Variants in ZNF385D observed in about 807,000 individuals in gnomAD.
ZNF385D encodes zinc finger protein 385D.
ZNF385D carries 15 observed loss-of-function variants against 35.8 expected under a neutral mutation model. That is an observed-to-expected ratio of 0.42 (90% CI 0.28 to 0.64). The LOEUF (loss-of-function observed/expected upper bound fraction) is 0.64, where lower values mean the gene tolerates loss of function less well. Among genes scored for constraint, ZNF385D ranks in the 30% least tolerant of loss-of-function variants. ZNF385D has a pLI of 0.23. For synonymous variants in ZNF385D, 212 were observed against 186.8 expected, an observed-to-expected ratio of 1.13 and a Z score of -1.10; for missense variants, 474 against 494.6, an observed-to-expected ratio of 0.96 and a Z score of 0.39.
At chr3:21,900,762 T>C (rs571115226) in intron 3 of ZNF385D, among the ~76,000 whole-genome samples, 1 of 152,294 alleles carries the variant, frequency 6.6e-6, no homozygotes, top group East Asian at 1.9e-4. Context: ...AATAATTCAT[T>C]GTGATTTGTT....
intron 2 of ZNF385D, among the ~76,000 whole-genome samples, chr3:22,182,030 G>A (rs773012538): frequency 4.6e-5 from 7 of 152,094 alleles, no homozygotes; most frequent in Middle Eastern, 6.8e-3. Flanking sequence ...CCAGTTGAAC[G>A]ATAGATGAAA....
chr3:21,648,152 G>A (rs1412040163), intron 2 of ZNF385D, among the ~76,000 whole-genome samples: 1 of 152,168 alleles, frequency 6.6e-6, no homozygotes, highest in Non-Finnish European at 1.5e-5. Context: ...TGTCAAGGGA[G>A]AGACCCAGTG....
chr3:22,174,049 CACAG>C (rs748654284), intron 2 of ZNF385D, among the ~76,000 whole-genome samples: 152 of 151,196 alleles, frequency 1.0e-3, no homozygotes, highest in African/African-American at 3.5e-3. Flanking sequence ...CACACACACA[CACAG>C]AGATATCCAA....
intron 3 of ZNF385D, among the ~76,000 whole-genome samples, chr3:22,100,772 A>G (rs553185374): frequency 2.6e-5 from 4 of 152,022 alleles, no homozygotes; most frequent in African/African-American, 9.6e-5. Context: ...AGCATGGCAC[A>G]TGTATACATA....
intron 7 of ZNF385D, among the ~76,000 whole-genome samples, chr3:21,421,693 C>G (rs938289374): frequency 6.6e-6 from 1 of 152,106 alleles, no homozygotes; most frequent in Non-Finnish European, 1.5e-5. Flanking sequence ...ACTCAGCAAC[C>G]TTATTTTATT....
intron 3 of ZNF385D, among the ~76,000 whole-genome samples, chr3:21,872,830 A>G (rs560502681): frequency 7.9e-5 from 12 of 152,270 alleles, no homozygotes; most frequent in African/African-American, 2.4e-4. Context: ...GTAATTGTAT[A>G]CATACAATTT....
chr3:21,457,858 A>T (rs988583668), intron 4 of ZNF385D, among the ~76,000 whole-genome samples: 1 of 152,208 alleles, frequency 6.6e-6, no homozygotes, highest in Admixed American at 6.5e-5. Flanking sequence ...CCAAAGGCCA[A>T]CAGCTAAATT....
chr3:21,821,081 C>G (rs1479017293), intron 3 of ZNF385D, among the ~76,000 whole-genome samples: 1 of 151,838 alleles, frequency 6.6e-6, no homozygotes, highest in Non-Finnish European at 1.5e-5. Context: ...GGGTGTTTTA[C>G]CAAACTTCAA....
At chr3:22,267,317 C>T (rs927596136) in intron 2 of ZNF385D, among the ~76,000 whole-genome samples, 4 of 151,632 alleles carry the variant, frequency 2.6e-5, no homozygotes, top group African/African-American at 9.7e-5. Context: ...TTGTCATAAC[C>T]TAAGACAATA....
At position 21,537,208 on chromosome 3, in the gene ZNF385D, C is replaced by G. The variant is rs564848989; in HGVS notation, c.277-26185G>C. On this transcript the variant is annotated intron_variant, in intron 3 of 7. Coordinates refer to ENST00000281523, the MANE Select transcript of ZNF385D (RefSeq NM_024697.3). ...AGTGCAGTGGCGTGATCTCAGCTCA[C>G]TGCAACCTCCGCCTCCTGGGTCCAA... Among the ~76,000 whole-genome samples the G allele has an allele frequency of 4.4e-4, 64 of 144,672 alleles. 1 individual carries two copies. Among genetic ancestry groups the G allele is most frequent in the Non-Finnish European group, 6.9e-4 (46 of 66,792 alleles). 94.9% of individuals were successfully genotyped at this position (144,672 alleles called of 152,430 possible). A position where few individuals can be genotyped will look rare whatever the true frequency, so the allele number is the denominator to read the frequency against.
chr3:21,617,777 G>A (rs1431211978), intron 2 of ZNF385D, among the ~76,000 whole-genome samples: 1 of 152,168 alleles, frequency 6.6e-6, no homozygotes, highest in African/African-American at 2.4e-5. Flanking sequence ...TTGGTACGAT[G>A]TTTGAGACTG....
At chr3:21,454,151 T>A (rs1702632923) in intron 4 of ZNF385D, among the ~76,000 whole-genome samples, 1 of 151,848 alleles carries the variant, frequency 6.6e-6, no homozygotes, top group Non-Finnish European at 1.5e-5. Flanking sequence ...AATAAGAACA[T>A]TCATAGAGAC....
chr3:21,714,310 A>G (rs574144153), intron 1 of ZNF385D, among the ~76,000 whole-genome samples: 2 of 152,076 alleles, frequency 1.3e-5, no homozygotes, highest in Non-Finnish European at 1.5e-5. Context: ...AAGTTATTTC[A>G]TAAGTCTTTT....
At chr3:21,508,805 T>C (rs374229047) in intron 4 of ZNF385D, among the ~76,000 whole-genome samples, 168 of 152,268 alleles carry the variant, frequency 1.1e-3, no homozygotes, top group African/African-American at 3.9e-3. Context: ...GGAATCTGTG[T>C]TTTCTGGGCA....
chr3:22,343,976 T>C (rs987530268), intron 2 of ZNF385D, among the ~76,000 whole-genome samples: 2 of 152,158 alleles, frequency 1.3e-5, no homozygotes, highest in Non-Finnish European at 2.9e-5. Context: ...TTCTCTCTTA[T>C]TGTCTACTTT....
chr3:21,700,907 TC>T (rs1232589514), intron 1 of ZNF385D, among the ~76,000 whole-genome samples: 2 of 152,150 alleles, frequency 1.3e-5, no homozygotes, highest in African/African-American at 4.8e-5. Flanking sequence ...AAAAAATATA[TC>T]TTAAATAACT....
At chr3:21,927,287 T>C (rs1700779299) in intron 3 of ZNF385D, among the ~76,000 whole-genome samples, 1 of 152,044 alleles carries the variant, frequency 6.6e-6, no homozygotes, top group South Asian at 2.1e-4. Flanking sequence ...TTTTTTAATA[T>C]ATAAATTACC....
chr3:22,050,753 G>T (rs1699302294), intron 3 of ZNF385D, among the ~76,000 whole-genome samples: 1 of 152,204 alleles, frequency 6.6e-6, no homozygotes, highest in East Asian at 1.9e-4. Context: ...TGTGTATTAT[G>T]TATTTGTTTA....
At chr3:21,904,000 T>A (rs1402087851) in intron 3 of ZNF385D, among the ~76,000 whole-genome samples, 2 of 152,116 alleles carry the variant, frequency 1.3e-5, no homozygotes, top group Non-Finnish European at 1.5e-5. Flanking sequence ...CATATGTGTA[T>A]ACAATTTATT....
Sources: gnomAD v4.1 joint callset for allele counts (sites outside exome capture counted in the v4.1 genomes callset) on GRCh38, gnomAD v4.1.1 for gene constraint, MANE v1.5 for transcripts, NCBI Gene and HGNC (gene_info 2026-07-23, HGNC 2026-07-21) for gene names.